Variants in VWA2 observed in about 807,000 individuals in gnomAD.
VWA2 encodes von Willebrand factor A domain containing 2, also known as von Willebrand factor A domain-containing protein 2.
In VWA2, 73 loss-of-function variants were observed where a neutral mutation model predicts 70.4. The observed-to-expected ratio is 1.04, with a 90% CI of 0.86 to 1.26. The LOEUF (loss-of-function observed/expected upper bound fraction) is 1.26, where lower values mean the gene tolerates loss of function less well. Ranked by LOEUF, VWA2 falls within the 50% of genes most tolerant of loss-of-function variation. The pLI is 0.00. For missense variants in VWA2, 1,011 were observed against 998.5 expected, an observed-to-expected ratio of 1.01 and a Z score of -0.17; for synonymous variants, 407 against 423.3, an observed-to-expected ratio of 0.96 and a Z score of 0.47.
In VWA2 at chr10:114,293,366, T is replaced by G. The variant is rs1371000518; in HGVS notation, c.*2129T>G. ...GTAGGCTTTTTGTCTTGTTCCGGGC[T>G]GGTATTTGGGTGCCCTGATTGAATT... is the stretch of plus-strand genomic sequence containing the variant. On this transcript the variant is annotated 3_prime_UTR_variant, in exon 14 of 14. Transcript: ENST00000392982. 6.6e-6 allele frequency among the ~76,000 whole-genome samples: 1 copy of G among 152,352 alleles called. No individual in the cohort carries two copies. The highest frequency in any genetic ancestry group is 2.4e-5 in the African/African-American group (1 of 41,578).
Position 114,272,778 on chromosome 10 carries a change from T to A in VWA2, c.410T>A (p.Leu137His). Residue 137 changes from leucine (L) to histidine (H), a missense_variant, in exon 6 of 14, where the codon CTT (leucine) becomes CAT (histidine). Physicochemically the swap from Leu to His is moderately conservative, Grantham distance 99. Coordinates refer to ENST00000392982, the MANE Select transcript of VWA2 (RefSeq NM_001272046.2). ...GAGACGGAACTTGCTCTGAAATACC[T>A]TCTGCACAGAGGGTTGCCTGGAGGC... is the stretch of plus-strand genomic sequence containing the variant. Reference protein sequence around the residue: ...RTETELALKYLLHRGLPGGRN... With the variant: ...RTETELALKYHLHRGLPGGRN... The A allele has an allele frequency of 6.2e-7, 1 of 1,613,578 alleles. No homozygotes were observed. Among genetic ancestry groups the A allele is most frequent in the Non-Finnish European group, 8.5e-7 (1 of 1,179,778 alleles).
rs1250855481 is a variant in VWA2 at position 114,294,048 on chromosome 10, T to A, written c.*2811T>A. On this transcript the variant is annotated 3_prime_UTR_variant, in exon 14 of 14. Coordinates refer to ENST00000392982, the MANE Select transcript of VWA2 (RefSeq NM_001272046.2). ...GCTTTTTCTTCCTCAAGATAATGCA[T>A]TTTTTGTATTATCTGTTAATGTGAT... 6.6e-6 allele frequency among the ~76,000 whole-genome samples: 1 copy of A among 152,212 alleles called. No homozygotes were observed. Among genetic ancestry groups the A allele is most frequent in the Non-Finnish European group, 1.5e-5 (1 of 68,024 alleles).
chr10:114,254,876 T>G (rs2037287785), intron 3 of VWA2, 39 bp from the exon 4 acceptor site: 3 of 1,600,732 alleles, frequency 1.9e-6, no homozygotes, highest in Non-Finnish European at 2.6e-6. Context: ...TGAGACCGAC[T>G]TGCTCCTGGT....
At chr10:114,248,216 C>T (rs757557339) in intron 1 of VWA2, among the ~76,000 whole-genome samples, 9 of 151,960 alleles carry the variant, frequency 5.9e-5, no homozygotes, top group Non-Finnish European at 1.2e-4. Flanking sequence ...ATGTTGTCTT[C>T]TTAGCTAGGG....
At chr10:114,277,881 A>G (rs2037884297) in intron 6 of VWA2, 33 bp from the exon 7 acceptor site, 1 of 1,582,752 alleles carries the variant, frequency 6.3e-7, no homozygotes, top group Non-Finnish European at 8.6e-7. Context: ...GGGTGGGTAT[A>G]GGACCACAAG....
intron 5 of VWA2, among the ~76,000 whole-genome samples, chr10:114,272,363 C>T (rs1188686500): frequency 6.6e-6 from 1 of 152,152 alleles, no homozygotes; most frequent in Non-Finnish European, 1.5e-5. Context: ...TCATTATCTG[C>T]TTTCCCAACC....
intron 3 of VWA2, among the ~76,000 whole-genome samples, chr10:114,254,103 C>T (rs1374192521): frequency 6.6e-6 from 1 of 151,852 alleles, no homozygotes; most frequent in Non-Finnish European, 1.5e-5. Flanking sequence ...CAGGGTCTTG[C>T]TCCTGTCGCC....
intron 5 of VWA2, among the ~76,000 whole-genome samples, chr10:114,266,718 A>G (rs912269159): frequency 6.6e-6 from 1 of 152,148 alleles, no homozygotes; most frequent in Non-Finnish European, 1.5e-5. Context: ...TGCTCATTTC[A>G]TTAATCTCAT....
chr10:114,291,277 C>T lies in VWA2; in HGVS notation c.*40C>T. 1 of 1,541,858 alleles carries T rather than the reference C, an allele frequency of 6.5e-7. No homozygotes were observed. Among genetic ancestry groups the T allele is most frequent in the Non-Finnish European group, 8.8e-7 (1 of 1,142,770 alleles). On this transcript the variant is annotated 3_prime_UTR_variant, in exon 14 of 14. Transcript: ENST00000392982. ...GTGCAGGAGGGCAGCAGCCGTACCCCTCCCAGCAACTACAGAGAAGGCCTG... is the reference window on the plus strand; with the variant it reads ...GTGCAGGAGGGCAGCAGCCGTACCCTTCCCAGCAACTACAGAGAAGGCCTG...
chr10:114,280,935 C>G (rs1393542087), intron 8 of VWA2: 3 of 152,014 alleles, frequency 2.0e-5, no homozygotes, highest in African/African-American at 4.8e-5. Context: ...TAGATGGGGT[C>G]TCACTATGTT....
rs201344252 is a variant in VWA2, at chr10:114,289,366, G to A, written c.1999G>A (p.Val667Met). Residue 667 changes from valine to methionine, a missense_variant, in exon 12 of 14, where the codon GTG (valine) becomes ATG (methionine). By Grantham distance (21) the Val-to-Met change is conservative (BLOSUM62 1). Transcript: ENST00000392982. Reference protein sequence around the residue: ...NNGISVLVVGVGPVLSEGLRR... With the variant: ...NNGISVLVVGMGPVLSEGLRR... The stretch of plus-strand genomic sequence containing the variant: ...TGGCATCTCTGTCTTGGTCGTGGGC[G>A]TGGGGCCTGTCCTAAGTGAGGGTCT... 478 of 1,614,136 alleles carry A rather than the reference G, an allele frequency of 3.0e-4. 1 individual carries two copies. Among genetic ancestry groups the A allele is most frequent in the East Asian group, 1.8e-3 (81 of 44,894 alleles).
In VWA2 at chr10:114,286,436, G is replaced by C. The variant is rs200143210; in HGVS notation, c.1495G>C (p.Val499Leu). 6.2e-7 allele frequency: 1 copy of C among 1,613,226 alleles called. No individual in the cohort carries two copies. The highest frequency in any genetic ancestry group is 8.5e-7 in the Non-Finnish European group (1 of 1,179,700). ...EITGSPKHVM[V>L]YSDPQDLFNQ... ...CACAGGCAGCCCAAAGCATGTGATG[G>C]TCTACTCGGATCCTCAGGATCTGTT... Residue 499 changes from valine to leucine, a missense_variant, in exon 11 of 14, where the codon GTC becomes CTC. Val to Leu is a conservative substitution (Grantham distance 32, BLOSUM62 1). Transcript: ENST00000392982.
At chr10:114,246,459 C>A (rs571633313) in intron 1 of VWA2, 1 of 630,986 alleles carries the variant, frequency 1.6e-6, no homozygotes, top group South Asian at 2.1e-5. Context: ...CAAGACCATG[C>A]CATTGCATTC....
intron 1 of VWA2, among the ~76,000 whole-genome samples, chr10:114,243,685 G>T (rs1382976401): frequency 1.3e-5 from 2 of 152,202 alleles, no homozygotes; most frequent in East Asian, 3.8e-4. Flanking sequence ...GGTAGAGAAG[G>T]CAGACATTAT....
At chr10:114,246,167 C>T in intron 1 of VWA2, 2 of 1,183,486 alleles carry the variant, frequency 1.7e-6, no homozygotes, top group Non-Finnish European at 2.5e-6. Flanking sequence ...TGGGAAGCCT[C>T]CTTTTGAGGC....
chr10:114,247,347 C>T (rs1456220289), intron 1 of VWA2, among the ~76,000 whole-genome samples: 1 of 152,136 alleles, frequency 6.6e-6, no homozygotes, highest in African/African-American at 2.4e-5. Flanking sequence ...AAAATAGGAA[C>T]ACATGCTCTA....
At position 114,289,498 on chromosome 10, in the gene VWA2, G is replaced by A. The variant is rs746302291; in HGVS notation, c.2122+9G>A. 1 of 1,613,922 alleles carries A rather than the reference G, an allele frequency of 6.2e-7. No individual in the cohort carries two copies. The highest frequency in any genetic ancestry group is 8.5e-7 in the Non-Finnish European group (1 of 1,179,880). On this transcript the variant is annotated intron_variant, in intron 12 of 13. Coordinates refer to ENST00000392982, the MANE Select transcript of VWA2 (RefSeq NM_001272046.2). ...TGAGTGGCTGTGTGGAGGTGAGTGGGGGAATCCACACCCTCAGGGCTGCCC... is the reference window on the plus strand; with the variant it reads ...TGAGTGGCTGTGTGGAGGTGAGTGGAGGAATCCACACCCTCAGGGCTGCCC...
At chr10:114,278,191 C>G in intron 7 of VWA2, 144 bp downstream of exon 7, 1 of 1,209,758 alleles carries the variant, frequency 8.3e-7, no homozygotes, top group East Asian at 2.6e-5. Flanking sequence ...ACCCTGGATG[C>G]TCTGCGTCTC....
intron 12 of VWA2, 187 bp from the exon 13 acceptor site, chr10:114,290,053 G>T: frequency 1.6e-6 from 1 of 614,746 alleles, no homozygotes; most frequent in Non-Finnish European, 2.7e-6. Flanking sequence ...GACTCTCCAT[G>T]AGTCTGTAGG....
Sources: allele counts gnomAD v4.1 joint callset (sites outside exome capture counted in the v4.1 genomes callset), GRCh38; gene constraint gnomAD v4.1.1; transcripts MANE v1.5; gene names NCBI Gene and HGNC (gene_info 2026-07-23, HGNC 2026-07-21).